The following INPPL1 variants were observed in gnomAD, a reference collection of about 807,000 sequenced individuals.
The protein encoded by INPPL1 is inositol polyphosphate phosphatase like 1.
INPPL1 carries 91 observed loss-of-function variants against 139.3 expected under a neutral mutation model. The ratio of observed to expected loss-of-function variants is 0.65; its 90% CI spans 0.55 to 0.78. INPPL1 has a LOEUF of 0.78. Among genes scored for constraint, INPPL1 ranks in the 30% least tolerant of loss-of-function variants. The probability of loss-of-function intolerance (pLI) is 0.00; values close to 1 mark genes in which losing one functional copy is unlikely to be tolerated. For missense variants in INPPL1, 1,411 were observed against 1,665.6 expected (o/e 0.85, Z 2.66); for synonymous variants, 719 against 686.6 (o/e 1.05, Z -0.74).
intron 17 of INPPL1, 70 bp downstream of exon 17, chr11:72,233,233 G>A (rs1032707303): frequency 5.6e-5 from 77 of 1,383,584 alleles, no homozygotes; most frequent in Non-Finnish European, 7.4e-5. Flanking sequence ...TTGGGTCAAG[G>A]GTATGGGCCT....
Position 72,234,764 on chromosome 11 carries a change from T to C in INPPL1, c.2415+149T>C. On this transcript the variant is annotated intron_variant, in intron 21 of 27. Transcript: ENST00000298229. The surrounding 1 kb of genome is among the most constrained non-coding windows in gnomAD (Gnocchi z 4.2). ...GTGTGTGTGTGTGTGTGTGTGTGTG[T>C]ATGGGCATGGGCATGAGTGAGGATA... 1.6e-6 allele frequency: 1 copy of C among 627,462 alleles called. No homozygotes were observed. Among genetic ancestry groups the C allele is most frequent in the East Asian group, 2.8e-5 (1 of 36,248 alleles). 38.9% of individuals were successfully genotyped at this position (627,462 alleles called of 1,614,324 possible).
At chr11:72,233,869 A>G in intron 19 of INPPL1, 125 bp downstream of exon 19, 1 of 759,790 alleles carries the variant, frequency 1.3e-6, no homozygotes, top group Non-Finnish European at 2.3e-6. Context: ...TGAGTGCAGG[A>G]GTGTTTCTCA....
At chr11:72,227,400 G>A (rs1202700421) in intron 1 of INPPL1, among the ~76,000 whole-genome samples, 1 of 152,202 alleles carries the variant, frequency 6.6e-6, no homozygotes, top group Non-Finnish European at 1.5e-5. Context: ...AATAAACACA[G>A]ATAGTGTTTG....
chr11:72,229,984 C>T lies in INPPL1; in HGVS notation c.904C>T (p.Arg302Cys), dbSNP rs765778907. ...ACCCCCAGCTCCGCAGCCATCCACA[C>T]GTAAGGCCAAGACCATCCCCGTGCA... ...TAPPAPQPST[R>C]KAKTIPVQAF... The change falls in exon 8 of 28, where the codon CGT becomes TGT. Residue 302 changes from arginine to cysteine, a missense_variant. This residue lies in a region of INPPL1 where 504 missense variants were observed against 595.6 expected (regional missense o/e 0.85). Transcript: ENST00000298229. 2.3e-5 allele frequency: 37 copies of T among 1,614,112 alleles called. No individual in the cohort carries two copies. In the South Asian group the frequency reaches 3.1e-4, roughly 13 times the overall value.
In INPPL1 at chr11:72,228,285, G is replaced by T. The variant is rs1948729982; in HGVS notation, c.246+32G>T. 1 of 1,613,944 alleles carries T rather than the reference G, an allele frequency of 6.2e-7. No individual in the cohort carries two copies. Among genetic ancestry groups the T allele is most frequent in the South Asian group, 1.1e-5 (1 of 91,092 alleles). On this transcript the variant is annotated intron_variant, in intron 2 of 27. Coordinates refer to ENST00000298229, the MANE Select transcript of INPPL1 (RefSeq NM_001567.4). This position sits in a 1 kb window ranked among gnomAD's most constrained non-coding sequence, Gnocchi z 5.0. ...GCTTGGGCCCCTGACCCCTGACCTTGATCCAGCCTAGGGCTTGGGGACCTG... is the reference window on the plus strand; with the variant it reads ...GCTTGGGCCCCTGACCCCTGACCTTTATCCAGCCTAGGGCTTGGGGACCTG...
At chr11:72,229,431 G>A in intron 5 of INPPL1, 34 bp from the exon 6 acceptor site, 1 of 1,595,638 alleles carries the variant, frequency 6.3e-7, no homozygotes, top group East Asian at 2.2e-5. Flanking sequence ...CTTAGGTCGG[G>A]GTGGGAGTTC....
chr11:72,234,331 G>T lies in INPPL1; in HGVS notation c.2263G>T (p.Ala755Ser). Residue 755 changes from alanine (A) to serine (S), a missense_variant, in exon 20 of 28, where the codon GCC becomes TCC. Physicochemically the swap from Ala to Ser is moderately conservative, Grantham distance 99. Around this residue, in one of 5 missense-constraint regions of INPPL1, gnomAD observed 363 missense variants for 446.2 expected, o/e 0.81. Coordinates refer to ENST00000298229, the MANE Select transcript of INPPL1 (RefSeq NM_001567.4). The surrounding 1 kb of genome is among the most constrained non-coding windows in gnomAD (Gnocchi z 4.2). ...QAYIEFESIE[A>S]IVKTASRTKF... ...CTACATTGAGTTTGAGAGCATCGAG[G>T]CCATTGTGAAGACAGCCAGCCGCAC... 6.2e-7 allele frequency: 1 copy of T among 1,614,146 alleles called. No homozygotes were observed. Among genetic ancestry groups the T allele is most frequent in the African/African-American group, 1.3e-5 (1 of 75,042 alleles).
Position 72,225,007 on chromosome 11 carries a change from C to T in INPPL1, c.23C>T (p.Pro8Leu). 1.7e-6 allele frequency: 2 copies of T among 1,207,076 alleles called. No homozygotes were observed. Among genetic ancestry groups the T allele is most frequent in the Non-Finnish European group, 2.1e-6 (2 of 972,514 alleles). The allele number at this position is 1,207,076 out of a possible 1,614,324, so 74.8% of individuals were successfully genotyped here. A position where few individuals can be genotyped will look rare whatever the true frequency, so the allele number is the denominator to read the frequency against. The change falls in exon 1 of 28, where the codon CCG (proline) becomes CTG (leucine). Residue 8 changes from proline to leucine, a missense_variant. Pro to Leu is a moderately conservative substitution (Grantham distance 98, BLOSUM62 -3). This residue lies in a region of INPPL1 where 504 missense variants were observed against 595.6 expected (regional missense o/e 0.85). Coordinates refer to ENST00000298229, the MANE Select transcript of INPPL1 (RefSeq NM_001567.4). ...GCCATGGCCTCGGCCTGCGGGGCGC[C>T]GGGCCCGGGGGGCGCCCTGGGCAGC... MASACGAPGPGGALGSQA... is the reference protein window; with the variant it reads MASACGALGPGGALGSQA...
chr11:72,235,111 C>A lies in INPPL1; in HGVS notation c.2416-5C>A. On this transcript the variant is annotated splice_region_variant and splice_polypyrimidine_tract_variant and intron_variant, in intron 21 of 27. Transcript: ENST00000298229. The surrounding 1 kb of genome is among the most constrained non-coding windows in gnomAD (Gnocchi z 4.9). Reference sequence around the variant, plus strand: ...TGTTCCTCACTGGGCCTCCCTGCTTCCCAGCTCAAACCAATTCTGGCTGAT... The same window carrying A: ...TGTTCCTCACTGGGCCTCCCTGCTTACCAGCTCAAACCAATTCTGGCTGAT... The A allele has an allele frequency of 6.2e-7, 1 of 1,613,450 alleles. No individual in the cohort carries two copies. Among genetic ancestry groups the A allele is most frequent in the Non-Finnish European group, 8.5e-7 (1 of 1,179,654 alleles).
chr11:72,234,525 AG>A lies in INPPL1; in HGVS notation c.2327-1del. ...GTTGGGTGTCTCCCACCCCCACCCC[AG>A]AATACAAGAAGAGCTTTGAGAATGA... On this transcript the variant is annotated splice_acceptor_variant, in intron 20 of 27. Transcript: ENST00000298229. LOFTEE classifies it high-confidence loss of function. This position sits in a 1 kb window ranked among gnomAD's most constrained non-coding sequence, Gnocchi z 4.2. The A allele has an allele frequency of 7.8e-7, 1 of 1,284,076 alleles. No individual in the cohort carries two copies. The highest frequency in any genetic ancestry group is 1.1e-6 in the Non-Finnish European group (1 of 883,852). The allele number at this position is 1,284,076 out of a possible 1,614,324, so 79.5% of individuals were successfully genotyped here.
In INPPL1 at chr11:72,236,027, C is replaced by T. The variant is rs545591097; in HGVS notation, c.2879+41C>T. On this transcript the variant is annotated intron_variant, in intron 25 of 27. Coordinates refer to ENST00000298229, the MANE Select transcript of INPPL1 (RefSeq NM_001567.4). ...TGTCACCGCCCCCCCTTCCCCCACC[C>T]ACCTCTATCCATCACTATCCCCTGC... is the stretch of plus-strand genomic sequence containing the variant. 7 of 1,138,792 alleles carry T rather than the reference C, an allele frequency of 6.1e-6. No homozygotes were observed. The East Asian group carries it at 1.7e-4, about 28-fold the overall frequency. 70.5% of individuals were successfully genotyped at this position (1,138,792 alleles called of 1,614,324 possible).
At chr11:72,227,976 CGGGGGT>C in intron 1 of INPPL1, 2 of 567,134 alleles carry the variant, frequency 3.5e-6, no homozygotes, top group Non-Finnish European at 6.4e-6. Context: ...GGTGGGGAGA[CGGGGGT>C]GTTCTGGTCA....
Position 72,224,908 on chromosome 11 carries a change from C to CCAGCCT in INPPL1, c.-71_-66dup. ...TCAAGCCCGGGCCCCGGGCCCGGCCCCAGCCTCAGCCCTGAGCGTCTCGGG... is the reference window on the plus strand; with the variant it reads ...TCAAGCCCGGGCCCCGGGCCCGGCCCCAGCCTCAGCCTCAGCCCTGAGCGTCTCGGG... On this transcript the variant is annotated 5_prime_UTR_variant, in exon 1 of 28. Transcript: ENST00000298229. 1.0e-6 allele frequency: 1 copy of CCAGCCT among 986,060 alleles called. No homozygotes were observed. 61.1% of individuals were successfully genotyped at this position (986,060 alleles called of 1,614,324 possible). A position where few individuals can be genotyped will look rare whatever the true frequency, so the allele number is the denominator to read the frequency against.
In INPPL1 at chr11:72,235,935, G is replaced by T; in HGVS notation, c.2828G>T (p.Arg943Met). 13 of 1,612,432 alleles carry T rather than the reference G, an allele frequency of 8.1e-6. No individual in the cohort carries two copies. The highest frequency in any genetic ancestry group is 1.1e-5 in the Non-Finnish European group (13 of 1,179,520). Residue 943 changes from arginine (R) to methionine (M), a missense_variant, in exon 25 of 28, where the codon AGG becomes ATG. Physicochemically the swap from Arg to Met is moderately conservative, Grantham distance 91 (BLOSUM62 -1). This residue lies in a region of INPPL1 where 99 missense variants were observed against 171.6 expected (regional missense o/e 0.58). Coordinates refer to ENST00000298229, the MANE Select transcript of INPPL1 (RefSeq NM_001567.4). The surrounding 1 kb of genome is among the most constrained non-coding windows in gnomAD (Gnocchi z 4.9). ...CCAGAGAAACCGCCACCAACGGGGA[G>T]GCCCCCAGCCCCACCCCGAGCAGCT... ...EEPEKPPPTG[R>M]PPAPPRAAPR...
At chr11:72,230,528 C>G in intron 10 of INPPL1, 60 bp downstream of exon 10, 1 of 1,479,738 alleles carries the variant, frequency 6.8e-7, no homozygotes. Context: ...ATGGGTGCTT[C>G]CCATTGGAGG....
rs1167846737 is a variant in INPPL1 at position 72,233,802 on chromosome 11, G to A, written c.2212+58G>A. On this transcript the variant is annotated intron_variant, in intron 19 of 27. Transcript: ENST00000298229. Reference sequence around the variant, plus strand: ...ATAATCTAGGTGGGCACAGGTGGTGGCCTCGGGATGTACATAGGTTTGACT... The same window carrying A: ...ATAATCTAGGTGGGCACAGGTGGTGACCTCGGGATGTACATAGGTTTGACT... 8.8e-6 allele frequency: 12 copies of A among 1,363,030 alleles called. No homozygotes were observed. In the East Asian group the frequency reaches 2.7e-4, roughly 31 times the overall value. The allele number at this position is 1,363,030 out of a possible 1,614,324, so 84.4% of individuals were successfully genotyped here. A position where few individuals can be genotyped will look rare whatever the true frequency, so the allele number is the denominator to read the frequency against.
chr11:72,237,120 C>A lies in INPPL1; in HGVS notation c.2880-4C>A. On this transcript the variant is annotated splice_region_variant and splice_polypyrimidine_tract_variant and intron_variant, in intron 25 of 27. Coordinates refer to ENST00000298229, the MANE Select transcript of INPPL1 (RefSeq NM_001567.4). ...TGGCTTAGTCGTTCTGCTTCCACAC[C>A]CAGGTTGAAGCCAGAGGGAGCTCCT... 2 of 1,571,590 alleles carry A rather than the reference C, an allele frequency of 1.3e-6. No homozygotes were observed. The highest frequency in any genetic ancestry group is 1.7e-6 in the Non-Finnish European group (2 of 1,155,450).
Position 72,230,166 on chromosome 11 carries a change from T to A in INPPL1, c.985T>A (p.Ser329Thr). 1 of 1,611,506 alleles carries A rather than the reference T, an allele frequency of 6.2e-7. No individual in the cohort carries two copies. ...TLGDLTKIGK[S>T]QKFTLSVDVE... Reference sequence around the variant, plus strand: ...GGGTGACCTGACCAAGATTGGGAAGTCACAGAAGTTCACGCTGAGCGTGGA... The same window carrying A: ...GGGTGACCTGACCAAGATTGGGAAGACACAGAAGTTCACGCTGAGCGTGGA... The change falls in exon 9 of 28, where the codon TCA (serine) becomes ACA (threonine). Residue 329 changes from serine (S) to threonine (T), a missense_variant. Transcript: ENST00000298229.
chr11:72,236,674 C>T (rs1948996827), intron 25 of INPPL1, among the ~76,000 whole-genome samples: 2 of 152,188 alleles, frequency 1.3e-5, no homozygotes, highest in Non-Finnish European at 2.9e-5. Flanking sequence ...CTTTTTCACT[C>T]ATCTTCAGCT....
Sources: allele counts gnomAD v4.1 joint callset (sites outside exome capture counted in the v4.1 genomes callset), GRCh38; gene constraint gnomAD v4.1.1; regional missense constraint gnomAD v4.1.1; non-coding constraint Gnocchi (gnomAD v3.1); transcripts MANE v1.5; gene names NCBI Gene and HGNC (gene_info 2026-07-23, HGNC 2026-07-21).